PIWIL4: variants seen among roughly 807,000 people sequenced by gnomAD.
PIWIL4 encodes piwi-like protein 4.
In PIWIL4, 50 loss-of-function variants were observed where a neutral mutation model predicts 100.9. That is an observed-to-expected ratio of 0.50 (90% CI 0.39 to 0.63). The LOEUF (loss-of-function observed/expected upper bound fraction) is 0.63. Ranked by LOEUF, PIWIL4 falls within the 20% of genes least tolerant of loss-of-function variation. PIWIL4 has a pLI of 0.00. For synonymous variants in PIWIL4, 342 were observed against 367.5 expected (o/e 0.93, Z 0.79); for missense variants, 887 against 1,043.3 (o/e 0.85, Z 2.06).
At chr11:94,606,991 A>T (rs1314274006) in intron 13 of PIWIL4, among the ~76,000 whole-genome samples, 1 of 152,088 alleles carries the variant, frequency 6.6e-6, no homozygotes. Context: ...GTTTAAGCTA[A>T]TTCTCAACTT....
At chr11:94,567,930 C>T (rs1948097789) in intron 1 of PIWIL4, 1 of 536,270 alleles carries the variant, frequency 1.9e-6, no homozygotes, top group Non-Finnish European at 2.4e-6. Flanking sequence ...GCTTTCATAA[C>T]ATTACACGGC....
chr11:94,588,848 T>C (rs1022005020), intron 7 of PIWIL4, among the ~76,000 whole-genome samples: 3 of 152,206 alleles, frequency 2.0e-5, no homozygotes, highest in Admixed American at 2.0e-4. Flanking sequence ...AGTTAGAGTA[T>C]CTATCAGTGA....
intron 2 of PIWIL4, among the ~76,000 whole-genome samples, chr11:94,574,578 C>T (rs1347543148): frequency 1.3e-5 from 2 of 152,180 alleles, no homozygotes; most frequent in African/African-American, 4.8e-5. Context: ...TGGCTCACTG[C>T]TACCCCCACC....
At chr11:94,585,372 G>T in intron 5 of PIWIL4, 73 bp from the exon 6 acceptor site, 1 of 1,032,960 alleles carries the variant, frequency 9.7e-7, no homozygotes, top group Non-Finnish European at 1.4e-6. Flanking sequence ...ATTATGTTCA[G>T]TAAGGGTTTG....
chr11:94,608,905 G>A (rs1948757050), intron 15 of PIWIL4, among the ~76,000 whole-genome samples: 1 of 152,166 alleles, frequency 6.6e-6, no homozygotes. Context: ...ATTAGGGTGA[G>A]CTATTGCTCA....
chr11:94,592,734 T>C (rs553139603), intron 8 of PIWIL4, among the ~76,000 whole-genome samples: 2 of 152,352 alleles, frequency 1.3e-5, no homozygotes, highest in Non-Finnish European at 2.9e-5. Flanking sequence ...GAAATGAGTG[T>C]TCATTGTAAC....
At chr11:94,618,341 T>C (rs1262680921) in intron 17 of PIWIL4, among the ~76,000 whole-genome samples, 1 of 152,144 alleles carries the variant, frequency 6.6e-6, no homozygotes, top group Non-Finnish European at 1.5e-5. Flanking sequence ...AGGGGAAACC[T>C]AGACAAAGAA....
At chr11:94,568,634 A>C in intron 1 of PIWIL4, 96 bp from the exon 2 acceptor site, 1 of 893,020 alleles carries the variant, frequency 1.1e-6, no homozygotes, top group Non-Finnish European at 1.8e-6. Flanking sequence ...TGCCTAGTTC[A>C]TGGTAATCTA....
Position 94,575,024 on chromosome 11 carries a change from T to G in PIWIL4, c.192T>G (p.Asp64Glu). The G allele has an allele frequency of 6.2e-7, 1 of 1,613,060 alleles. No homozygotes were observed. The highest frequency in any genetic ancestry group is 8.5e-7 in the Non-Finnish European group (1 of 1,179,060). Reference protein sequence around the residue: ...TNDKYGISSGDAGSTFMERGV... With the variant: ...TNDKYGISSGEAGSTFMERGV... ...ATAAATATGGGATATCTTCTGGTGA[T>G]GCTGGAAGTACCTTCATGGAAAGAG... Residue 64 changes from aspartate (D) to glutamate (E), a missense_variant, in exon 3 of 20, where the codon GAT (aspartate) becomes GAG (glutamate). This residue lies in a region of PIWIL4 where 146 missense variants were observed against 113.4 expected (regional missense o/e 1.29). Transcript: ENST00000299001.
In PIWIL4 at chr11:94,585,522, A is replaced by G; in HGVS notation, c.713A>G (p.His238Arg). 1.9e-6 allele frequency: 3 copies of G among 1,601,750 alleles called. No individual in the cohort carries two copies. Among genetic ancestry groups the G allele is most frequent in the South Asian group, 1.1e-5 (1 of 88,814 alleles). The change falls in exon 6 of 20, where the codon CAC becomes CGC. Residue 238 changes from histidine (H) to arginine (R), a missense_variant. His to Arg is a conservative substitution (Grantham distance 29). Transcript: ENST00000299001. ...NPSEPMEIPQ[H>R]KLSLWPGFAI... ...TCAGAGCCAATGGAAATTCCCCAGCACAAGTAGGTTTATTTATATTTTCTG... is the reference window on the plus strand; with the variant it reads ...TCAGAGCCAATGGAAATTCCCCAGCGCAAGTAGGTTTATTTATATTTTCTG...
chr11:94,618,069 G>A lies in PIWIL4; in HGVS notation c.2130G>A (p.Gln710=). The A allele has an allele frequency of 4.4e-6, 7 of 1,598,198 alleles. No individual in the cohort carries two copies. The highest frequency in any genetic ancestry group is 2.3e-5 in the East Asian group (1 of 44,286). The change falls in exon 17 of 20, where the codon CAG becomes CAA. Residue 710 remains glutamine, a synonymous_variant. Coordinates refer to ENST00000299001, the MANE Select transcript of PIWIL4 (RefSeq NM_152431.3). The stretch of plus-strand genomic sequence containing the variant: ...CACTTATTGAATATGAAGTCCCACA[G>A]CTGCTGAGCAGTGTGGCAGAATCCA... ...LKTLIEYEVP[Q]LLSSVAESSS... is the part of the protein sequence containing the mutation.
intron 15 of PIWIL4, among the ~76,000 whole-genome samples, chr11:94,611,678 G>C (rs1265089213): frequency 1.3e-5 from 2 of 152,116 alleles, no homozygotes; most frequent in African/African-American, 4.8e-5. Context: ...TGTTCTGTTA[G>C]TTTGTGCAAC....
At chr11:94,587,802 G>A (rs1948423266) in intron 7 of PIWIL4, among the ~76,000 whole-genome samples, 1 of 152,108 alleles carries the variant, frequency 6.6e-6, no homozygotes, top group African/African-American at 2.4e-5. Context: ...TTTAAGTTGA[G>A]ACCACATTTT....
chr11:94,582,688 A>C (rs1160524951), intron 4 of PIWIL4, among the ~76,000 whole-genome samples: 1 of 152,222 alleles, frequency 6.6e-6, no homozygotes, highest in African/African-American at 2.4e-5. Flanking sequence ...GCTGTTATAG[A>C]ATCATATTCA....
intron 8 of PIWIL4, among the ~76,000 whole-genome samples, chr11:94,591,259 CA>C (rs1473246232): frequency 1.3e-5 from 2 of 152,322 alleles, no homozygotes; most frequent in South Asian, 2.1e-4. Flanking sequence ...ACACCTTCCT[CA>C]GCCTTTGTGT....
chr11:94,589,329 G>A, intron 8 of PIWIL4, 97 bp downstream of exon 8: 1 of 983,240 alleles, frequency 1.0e-6, no homozygotes, highest in Non-Finnish European at 1.5e-6. Context: ...TGGAGGCTGA[G>A]TCTGCCTCCG....
chr11:94,621,325 G>T lies in PIWIL4; in HGVS notation c.*333G>T. 1 of 198,894 alleles carries T rather than the reference G, an allele frequency of 5.0e-6. No individual in the cohort carries two copies. The highest frequency in any genetic ancestry group is 1.3e-4 in the East Asian group (1 of 7,818). 12.3% of individuals were successfully genotyped at this position (198,894 alleles called of 1,614,324 possible). On this transcript the variant is annotated 3_prime_UTR_variant, in exon 20 of 20. Transcript: ENST00000299001. ...GATATTTTGATGACAGATAAACAGA[G>T]TCTAATTCCCACCCCAAATTTTGCT...
At chr11:94,609,141 T>C (rs1320899846) in intron 15 of PIWIL4, among the ~76,000 whole-genome samples, 3 of 152,196 alleles carry the variant, frequency 2.0e-5, no homozygotes, top group East Asian at 1.9e-4. Flanking sequence ...ATCTGTAAAA[T>C]AGAAATAATA....
At position 94,577,393 on chromosome 11, in the gene PIWIL4, G is replaced by C; in HGVS notation, c.414G>C (p.Arg138Ser). 1.2e-6 allele frequency: 2 copies of C among 1,614,012 alleles called. No individual in the cohort carries two copies. The highest frequency in any genetic ancestry group is 1.7e-6 in the Non-Finnish European group (2 of 1,179,922). Residue 138 changes from arginine (R) to serine (S), a missense_variant, in exon 4 of 20, where the codon AGG becomes AGC. Coordinates refer to ENST00000299001, the MANE Select transcript of PIWIL4 (RefSeq NM_152431.3). ...VTYIPDLASRRLRIALLYSHS... is the reference protein window; with the variant it reads ...VTYIPDLASRSLRIALLYSHS... Reference sequence around the variant, plus strand: ...ATATTCCAGATTTAGCATCTAGAAGGCTGAGAATTGCTTTACTTTATAGTC... The same window carrying C: ...ATATTCCAGATTTAGCATCTAGAAGCCTGAGAATTGCTTTACTTTATAGTC...
Sources: gnomAD v4.1 joint callset for allele counts (sites outside exome capture counted in the v4.1 genomes callset) on GRCh38, gnomAD v4.1.1 for gene constraint, gnomAD v4.1.1 regional missense constraint, MANE v1.5 for transcripts, NCBI Gene and HGNC (gene_info 2026-07-23, HGNC 2026-07-21) for gene names.